Variants in FBXO10 observed in about 807,000 individuals in gnomAD.
The protein encoded by FBXO10 is F-box only protein 10.
In FBXO10, 39 loss-of-function variants were observed where a neutral mutation model predicts 80.7. That is an observed-to-expected ratio of 0.48 (90% confidence interval 0.37 to 0.63). The LOEUF (loss-of-function observed/expected upper bound fraction) is 0.63. Among genes scored for constraint, FBXO10 ranks in the 30% least tolerant of loss-of-function variants. The pLI is 0.00. For synonymous variants in FBXO10, 449 were observed against 489.6 expected (o/e 0.92, Z 1.09); for missense variants, 1,025 against 1,269.0 (o/e 0.81, Z 2.92).
chr9:37,543,744 G>T (rs770375802), intron 1 of FBXO10, among the ~76,000 whole-genome samples: 1 of 152,152 alleles, frequency 6.6e-6, no homozygotes, highest in Non-Finnish European at 1.5e-5. Flanking sequence ...TCTCATTTAT[G>T]AGTGTCAATT....
chr9:37,574,894 A>G (rs1165863836), intron 1 of FBXO10, among the ~76,000 whole-genome samples: 1 of 152,206 alleles, frequency 6.6e-6, no homozygotes, highest in Non-Finnish European at 1.5e-5. Context: ...TACAAGACAG[A>G]GTAGGGGTTC....
intron 1 of FBXO10, among the ~76,000 whole-genome samples, chr9:37,546,440 A>G (rs1822057793): frequency 6.6e-6 from 1 of 152,210 alleles, no homozygotes; most frequent in African/African-American, 2.4e-5. Flanking sequence ...CAGATGTAGT[A>G]GGGATCACCT....
intron 2 of FBXO10, among the ~76,000 whole-genome samples, chr9:37,538,447 C>T (rs2119117828): frequency 6.6e-6 from 1 of 152,018 alleles, no homozygotes; most frequent in East Asian, 1.9e-4. Context: ...GTGGCTCACG[C>T]CCGTAGTTCC....
intron 3 of FBXO10, among the ~76,000 whole-genome samples, chr9:37,532,820 C>A (rs1431627329): frequency 2.6e-5 from 4 of 152,202 alleles, no homozygotes; most frequent in Non-Finnish European, 5.9e-5. Flanking sequence ...CCCCAGGGGT[C>A]GAGGGTGCAG....
chr9:37,563,846 A>T (rs1464013599), intron 1 of FBXO10, among the ~76,000 whole-genome samples: 1 of 152,234 alleles, frequency 6.6e-6, no homozygotes, highest in Non-Finnish European at 1.5e-5. Context: ...ATTGGATGTG[A>T]TAGAAAAGAA....
chr9:37,528,183 C>T (rs1314849132), intron 5 of FBXO10, among the ~76,000 whole-genome samples: 1 of 152,172 alleles, frequency 6.6e-6, no homozygotes, highest in Non-Finnish European at 1.5e-5. Flanking sequence ...GAATAGGCTC[C>T]CCCGCCTCAG....
At chr9:37,552,608 C>T (rs1441484945) in intron 1 of FBXO10, among the ~76,000 whole-genome samples, 1 of 147,870 alleles carries the variant, frequency 6.8e-6, no homozygotes, top group East Asian at 2.0e-4. Flanking sequence ...AAGAGACCGG[C>T]AGGAACCCAG....
chr9:37,568,057 T>C lies in FBXO10; in HGVS notation c.-7+8154A>G, dbSNP rs562241273. 1.2e-4 allele frequency among the ~76,000 whole-genome samples: 18 copies of C among 152,224 alleles called. No individual in the cohort carries two copies. The South Asian group carries it at 3.5e-3, about 30-fold the overall frequency. On this transcript the variant is annotated intron_variant, in intron 1 of 10. Coordinates refer to ENST00000432825, the MANE Select transcript of FBXO10 (RefSeq NM_012166.3). ...TGAAGCCAAACTCAGACAATTAAGG[T>C]GAGAGACTGCAAGAGATCAAAGGGC...
At chr9:37,563,864 T>C (rs1169980336) in intron 1 of FBXO10, among the ~76,000 whole-genome samples, 2 of 152,234 alleles carry the variant, frequency 1.3e-5, no homozygotes, top group African/African-American at 4.8e-5. Context: ...GAAAACCCCA[T>C]TTTCTGGGGA....
intron 1 of FBXO10, among the ~76,000 whole-genome samples, chr9:37,546,020 C>G (rs1448251073): frequency 6.6e-6 from 1 of 152,012 alleles, no homozygotes; most frequent in Non-Finnish European, 1.5e-5. Context: ...GTGGTGCACA[C>G]TTGTAATCCC....
chr9:37,540,859 G>C (rs12377997), intron 2 of FBXO10, among the ~76,000 whole-genome samples: 27,477 of 152,134 alleles, frequency 0.18, 2,977 homozygotes, highest in East Asian at 0.26. Flanking sequence ...CTGTCACCAA[G>C]TGGCATGCTT....
chr9:37,531,548 CGCT>C (rs1821623579), intron 4 of FBXO10, among the ~76,000 whole-genome samples: 1 of 152,196 alleles, frequency 6.6e-6, no homozygotes, highest in African/African-American at 2.4e-5. Context: ...TTGGTGGGTT[CGCT>C]GCTGTTGTTT....
chr9:37,529,304 T>C (rs1367128760), intron 4 of FBXO10, 44 bp from the exon 5 acceptor site: 1 of 1,573,086 alleles, frequency 6.4e-7, no homozygotes, highest in South Asian at 1.2e-5. Context: ...ATCAGACACG[T>C]CAGCGAAGCA....
At chr9:37,560,645 T>TA in intron 1 of FBXO10, among the ~76,000 whole-genome samples, 1 of 148,966 alleles carries the variant, frequency 6.7e-6, no homozygotes, top group East Asian at 2.0e-4. Flanking sequence ...TATTTTATTT[T>TA]TTTTAATGCA....
intron 9 of FBXO10, 44 bp from the exon 10 acceptor site, chr9:37,516,129 G>C: frequency 6.3e-7 from 1 of 1,579,066 alleles, no homozygotes; most frequent in Non-Finnish European, 8.6e-7. Flanking sequence ...GGGATTCACA[G>C]ACTGAGTGGG....
At chr9:37,572,036 C>T (rs1822772989) in intron 1 of FBXO10, among the ~76,000 whole-genome samples, 2 of 151,848 alleles carry the variant, frequency 1.3e-5, no homozygotes, top group South Asian at 4.2e-4. Context: ...GGAGAGATCT[C>T]TTGAGCCTAG....
intron 1 of FBXO10, among the ~76,000 whole-genome samples, chr9:37,544,942 G>A (rs1467736791): frequency 4.2e-5 from 6 of 144,456 alleles, no homozygotes; most frequent in Non-Finnish European, 9.0e-5. Context: ...TGCAGTGAGC[G>A]GAGATCGCGC....
rs888727931 is a variant in FBXO10 at position 37,566,240 on chromosome 9, C to T, written c.-7+9971G>A. ...TCACATTTGTATAACAAGGGAAACACACTTTCTACCTACAGAGGGCCATAC... is the reference window on the plus strand; with the variant it reads ...TCACATTTGTATAACAAGGGAAACATACTTTCTACCTACAGAGGGCCATAC... On this transcript the variant is annotated intron_variant, in intron 1 of 10. Coordinates refer to ENST00000432825, the MANE Select transcript of FBXO10 (RefSeq NM_012166.3). Among the ~76,000 whole-genome samples, 4 of 152,172 alleles carry T rather than the reference C, an allele frequency of 2.6e-5. No individual in the cohort carries two copies. The East Asian group carries it at 7.7e-4, about 29-fold the overall frequency.
intron 1 of FBXO10, among the ~76,000 whole-genome samples, chr9:37,549,788 A>T (rs944191993): frequency 6.6e-6 from 1 of 152,232 alleles, no homozygotes; most frequent in African/African-American, 2.4e-5. Context: ...CTGGATCCAG[A>T]GGCTTGCTCA....
Sources: allele counts gnomAD v4.1 joint callset (sites outside exome capture counted in the v4.1 genomes callset), GRCh38; gene constraint gnomAD v4.1.1; transcripts MANE v1.5; gene names NCBI Gene and HGNC (gene_info 2026-07-23, HGNC 2026-07-21).